The following ERI3 variants were observed in gnomAD, a reference collection of about 807,000 sequenced individuals.
The protein encoded by ERI3 is ERI1 exoribonuclease family member 3.
Under a neutral mutation model 44.4 loss-of-function variants are expected in ERI3, and 18 were observed. The ratio of observed to expected loss-of-function variants is 0.41; its 90% CI spans 0.28 to 0.60. The LOEUF is 0.60. Ranked by LOEUF, ERI3 falls within the 20% of genes least tolerant of loss-of-function variation. The probability of loss-of-function intolerance (pLI) is 0.36; values close to 1 mark genes in which losing one functional copy is unlikely to be tolerated. For synonymous variants in ERI3, 183 were observed against 164.8 expected (o/e 1.11, Z -0.84); for missense variants, 294 against 435.5 (o/e 0.68, Z 2.89).
At chr1:44,259,085 A>T (rs1302785353) in intron 7 of ERI3, among the ~76,000 whole-genome samples, 1 of 152,246 alleles carries the variant, frequency 6.6e-6, no homozygotes, top group Non-Finnish European at 1.5e-5. Flanking sequence ...CTATATGCAC[A>T]TATATAGCAA....
chr1:44,253,694 C>T (rs945776702), intron 7 of ERI3, among the ~76,000 whole-genome samples: 3 of 152,140 alleles, frequency 2.0e-5, no homozygotes, highest in East Asian at 1.9e-4. Context: ...CCCTGCAGTC[C>T]GGGGCTGCTG....
rs1033921318 is a variant in ERI3, at chr1:44,296,146, G to A, written c.759-11239C>T. On this transcript the variant is annotated intron_variant, in intron 6 of 8. Coordinates refer to ENST00000372257, the MANE Select transcript of ERI3 (RefSeq NM_024066.3). ...GCTCTCTTCTCCACCCCCCTCCACCGTGCCTCCCAGCAGTGCCAGGGAGGA... is the reference window on the plus strand; with the variant it reads ...GCTCTCTTCTCCACCCCCCTCCACCATGCCTCCCAGCAGTGCCAGGGAGGA... Among the ~76,000 whole-genome samples the A allele has an allele frequency of 2.0e-5, 3 of 152,114 alleles. 1 individual carries two copies. The highest frequency in any genetic ancestry group is 1.9e-4 in the East Asian group (1 of 5,200).
intron 4 of ERI3, among the ~76,000 whole-genome samples, chr1:44,313,773 C>A (rs770037587): frequency 1.3e-5 from 2 of 152,122 alleles, no homozygotes; most frequent in Non-Finnish European, 2.9e-5. Flanking sequence ...GTCCCACAGG[C>A]TCCTATCCTT....
At chr1:44,259,904 T>TAGATAGAC (rs1270640848) in intron 7 of ERI3, among the ~76,000 whole-genome samples, 3 of 148,792 alleles carry the variant, frequency 2.0e-5, no homozygotes, top group Non-Finnish European at 3.0e-5. Context: ...GATAGATAGA[T>TAGATAGAC]AGATAGATAG....
Position 44,238,379 on chromosome 1 carries a change from T to TA in ERI3, c.931+9559dup, listed in dbSNP as rs5773823. Among the ~76,000 whole-genome samples the TA allele has an allele frequency of 3.3e-3, 494 of 151,584 alleles. 2 individuals carry two copies. Among genetic ancestry groups the TA allele is most frequent in the African/African-American group, 0.011 (462 of 41,290 alleles). ...CTGCAGTGATAATCCCTGCGGAGAG[T>TA]AAGGGCCGGCCTGGGTGTCAGCGCA... On this transcript the variant is annotated intron_variant, in intron 8 of 8. Transcript: ENST00000372257.
intron 8 of ERI3, among the ~76,000 whole-genome samples, chr1:44,243,236 A>G (rs1309217125): frequency 1.3e-5 from 2 of 152,156 alleles, no homozygotes; most frequent in Non-Finnish European, 2.9e-5. Flanking sequence ...CACCTGTACC[A>G]CAAGCCTCAG....
At chr1:44,314,062 T>C (rs902971966) in intron 4 of ERI3, among the ~76,000 whole-genome samples, 1 of 151,768 alleles carries the variant, frequency 6.6e-6, no homozygotes, top group African/African-American at 2.4e-5. Flanking sequence ...GGACACCAAC[T>C]GGAAATCACC....
intron 7 of ERI3, among the ~76,000 whole-genome samples, chr1:44,261,835 C>G (rs948393031): frequency 6.6e-6 from 1 of 152,226 alleles, no homozygotes; most frequent in African/African-American, 2.4e-5. Flanking sequence ...TGGCCCTTGG[C>G]AGAAGGGCTG....
intron 8 of ERI3, among the ~76,000 whole-genome samples, chr1:44,226,778 A>AACACACACACAC (rs60011057): frequency 0.033 from 4,734 of 143,366 alleles, 110 homozygotes; most frequent in Middle Eastern, 0.036. Flanking sequence ...AGCATTATTA[A>AACACACACACAC]ACACACACAC....
intron 6 of ERI3, among the ~76,000 whole-genome samples, chr1:44,296,633 G>A (rs1645617521): frequency 6.6e-6 from 1 of 152,198 alleles, no homozygotes. Flanking sequence ...GGTGAAGCTG[G>A]TCTCAATGGC....
intron 6 of ERI3, among the ~76,000 whole-genome samples, chr1:44,303,434 T>C (rs547762971): frequency 4.6e-5 from 7 of 152,384 alleles, no homozygotes; most frequent in African/African-American, 1.7e-4. Flanking sequence ...CATTACTTAG[T>C]TGTCACTTAT....
chr1:44,239,986 C>A (rs1361459429), intron 8 of ERI3, among the ~76,000 whole-genome samples: 3 of 152,266 alleles, frequency 2.0e-5, no homozygotes, highest in East Asian at 1.9e-4. Flanking sequence ...TCCCCTTGCA[C>A]ACGTGTCCCT....
In ERI3 at chr1:44,284,925, G is replaced by A; in HGVS notation, c.759-18C>T. On this transcript the variant is annotated intron_variant, in intron 6 of 8. Coordinates refer to ENST00000372257, the MANE Select transcript of ERI3 (RefSeq NM_024066.3). ...CTGGGAGCCTACAAAAAAAAGGGAAGAGAGAACAAGTTGGGCGCATCCATG... is the reference window on the plus strand; with the variant it reads ...CTGGGAGCCTACAAAAAAAAGGGAAAAGAGAACAAGTTGGGCGCATCCATG... 1 of 1,611,792 alleles carries A rather than the reference G, an allele frequency of 6.2e-7. No homozygotes were observed.
rs1050906269 is a variant in ERI3, at chr1:44,252,689, C to T, written c.832-4651G>A. ...ATTGGGTTTAATAGATGAAGTAGCCCTCATCGGCTGCAGCATCAGATCCTT... is the reference window on the plus strand; with the variant it reads ...ATTGGGTTTAATAGATGAAGTAGCCTTCATCGGCTGCAGCATCAGATCCTT... On this transcript the variant is annotated intron_variant, in intron 7 of 8. Coordinates refer to ENST00000372257, the MANE Select transcript of ERI3 (RefSeq NM_024066.3). The surrounding 1 kb of genome is among the most constrained non-coding windows in gnomAD (Gnocchi z 4.7). Among the ~76,000 whole-genome samples, 5 of 152,222 alleles carry T rather than the reference C, an allele frequency of 3.3e-5. No individual in the cohort carries two copies. The highest frequency in any genetic ancestry group is 7.3e-5 in the Non-Finnish European group (5 of 68,048).
At chr1:44,331,088 A>G (rs550849721) in intron 3 of ERI3, among the ~76,000 whole-genome samples, 1 of 152,096 alleles carries the variant, frequency 6.6e-6, no homozygotes, top group African/African-American at 2.4e-5. Flanking sequence ...CCTGTTGCCA[A>G]TGCTCAGAGG....
chr1:44,267,786 C>T (rs1023068250), intron 7 of ERI3, among the ~76,000 whole-genome samples: 2 of 152,198 alleles, frequency 1.3e-5, no homozygotes, highest in Non-Finnish European at 2.9e-5. Context: ...TGGGTTCATG[C>T]CTGTGCAAAC....
chr1:44,262,805 G>C (rs1644920867), intron 7 of ERI3, among the ~76,000 whole-genome samples: 1 of 152,166 alleles, frequency 6.6e-6, no homozygotes, highest in Non-Finnish European at 1.5e-5. Flanking sequence ...CCCATCTAGG[G>C]AACATCTTAC....
intron 3 of ERI3, among the ~76,000 whole-genome samples, chr1:44,332,248 A>G (rs1377954125): frequency 6.6e-6 from 1 of 152,042 alleles, no homozygotes; most frequent in Non-Finnish European, 1.5e-5. Context: ...CCATTTATCA[A>G]TGGCCCTATT....
intron 6 of ERI3, among the ~76,000 whole-genome samples, chr1:44,289,645 C>A (rs779299231): frequency 1.0e-4 from 16 of 152,384 alleles, no homozygotes; most frequent in Non-Finnish European, 8.8e-5. Context: ...CCACCCCACT[C>A]CTCATTCAGC....
Sources: gnomAD v4.1 joint callset for allele counts (sites outside exome capture counted in the v4.1 genomes callset) on GRCh38, gnomAD v4.1.1 for gene constraint, Gnocchi (gnomAD v3.1) non-coding constraint, MANE v1.5 for transcripts, NCBI Gene and HGNC (gene_info 2026-07-23, HGNC 2026-07-21) for gene names.